The following UBR3 variants were observed in gnomAD, a reference collection of about 807,000 sequenced individuals.
UBR3 encodes the protein E3 ubiquitin-protein ligase UBR3.
Under a neutral mutation model 243.2 loss-of-function variants are expected in UBR3, and 85 were observed. The observed-to-expected ratio is 0.35, with a 90% CI of 0.29 to 0.42. UBR3 has a LOEUF of 0.42. UBR3 is among the 10% of genes least tolerant of loss of function. UBR3 has a pLI of 1.00. For missense variants in UBR3, 1,686 were observed against 2,300.8 expected (o/e 0.73, Z 5.47); for synonymous variants, 748 against 799.8 (o/e 0.94, Z 1.09).
chr2:169,974,630 T>C (rs770240377), intron 24 of UBR3, among the ~76,000 whole-genome samples: 6 of 152,206 alleles, frequency 3.9e-5, no homozygotes, highest in Non-Finnish European at 5.9e-5. Flanking sequence ...ATTGATCTTT[T>C]GCATTTTTTA....
intron 30 of UBR3, among the ~76,000 whole-genome samples, chr2:170,024,416 T>C (rs752416466): frequency 6.7e-6 from 1 of 148,646 alleles, no homozygotes; most frequent in Non-Finnish European, 1.5e-5. Context: ...GTTTCCGGGA[T>C]GGTACTGGAA....
chr2:170,051,236 A>G (rs181105643), intron 32 of UBR3, among the ~76,000 whole-genome samples: 1 of 152,296 alleles, frequency 6.6e-6, no homozygotes, highest in African/African-American at 2.4e-5. Flanking sequence ...GATGATAATC[A>G]AGACAGACAA....
intron 19 of UBR3, among the ~76,000 whole-genome samples, 171 bp downstream of exon 19, chr2:169,933,179 T>A (rs1158932556): frequency 6.6e-6 from 1 of 152,248 alleles, no homozygotes; most frequent in Admixed American, 6.5e-5. Context: ...TATGTTAAGA[T>A]CTTTATCCAA....
At chr2:169,844,488 CTCTCTT>C (rs758355098) in intron 1 of UBR3, among the ~76,000 whole-genome samples, 1,813 of 112,854 alleles carry the variant, frequency 0.016, 23 homozygotes, top group Admixed American at 0.019. Context: ...GTGAAACCCT[CTCTCTT>C]TTTTTTTTTT....
chr2:170,080,069 A>G (rs2091881289), intron 37 of UBR3, 46 bp downstream of exon 37: 1 of 1,515,562 alleles, frequency 6.6e-7, no homozygotes, highest in Non-Finnish European at 9.0e-7. Context: ...CACAGATCTC[A>G]TATCACAAAA....
chr2:169,933,034 C>A (rs1264005742), intron 19 of UBR3, 26 bp downstream of exon 19: 10 of 1,461,098 alleles, frequency 6.8e-6, no homozygotes, highest in Non-Finnish European at 9.1e-6. Flanking sequence ...TGATTAGCAT[C>A]ATAACAGTAT....
chr2:169,882,240 TTG>T (rs2083904253), intron 5 of UBR3, among the ~76,000 whole-genome samples: 1 of 137,364 alleles, frequency 7.3e-6, no homozygotes, highest in African/African-American at 2.7e-5. Flanking sequence ...TATATTTATA[TTG>T]TATATGTATA....
At chr2:169,983,758 G>C (rs1282169366) in intron 24 of UBR3, among the ~76,000 whole-genome samples, 1 of 152,182 alleles carries the variant, frequency 6.6e-6, no homozygotes, top group Non-Finnish European at 1.5e-5. Flanking sequence ...GCTTCATTCA[G>C]ATAGATTCTT....
intron 17 of UBR3, among the ~76,000 whole-genome samples, chr2:169,927,895 G>T (rs1410828270): frequency 6.6e-6 from 1 of 152,152 alleles, no homozygotes; most frequent in Non-Finnish European, 1.5e-5. Context: ...GGAACCTGTG[G>T]TTCTTTGTAT....
chr2:169,895,253 A>C lies in UBR3; in HGVS notation c.1178A>C (p.Glu393Ala). ...EELLFWTIKY[E>A]FPQKMVTFLL... ...CTATTATTTTGGACTATAAAATATG[A>C]ATTCCCTCAAAAGATGGTAACTTTC... is the stretch of plus-strand genomic sequence containing the variant. Residue 393 changes from glutamate to alanine, a missense_variant, in exon 7 of 39, where the codon GAA becomes GCA. Physicochemically the swap from Glu to Ala is moderately radical, Grantham distance 107 (BLOSUM62 -1). This residue lies in a region of UBR3 where 200 missense variants were observed against 231.6 expected (regional missense o/e 0.86). Transcript: ENST00000272793. The C allele has an allele frequency of 6.5e-7, 1 of 1,546,110 alleles. No homozygotes were observed. The highest frequency in any genetic ancestry group is 8.7e-7 in the Non-Finnish European group (1 of 1,145,546).
At chr2:169,910,017 A>G (rs931580990) in intron 10 of UBR3, among the ~76,000 whole-genome samples, 3 of 152,154 alleles carry the variant, frequency 2.0e-5, no homozygotes, top group Non-Finnish European at 4.4e-5. Flanking sequence ...AAGCTAGTAA[A>G]GACTGAGAGA....
At chr2:169,942,413 T>C in intron 19 of UBR3, 80 bp from the exon 20 acceptor site, 1 of 1,352,050 alleles carries the variant, frequency 7.4e-7, no homozygotes, top group Non-Finnish European at 9.8e-7. Flanking sequence ...GTGACAGAAA[T>C]TGGTGTCTAT....
intron 33 of UBR3, among the ~76,000 whole-genome samples, chr2:170,058,951 C>A (rs1312779482): frequency 6.6e-6 from 1 of 152,152 alleles, no homozygotes; most frequent in African/African-American, 2.4e-5. Context: ...GTATTCTACC[C>A]AGCACAGACT....
intron 24 of UBR3, among the ~76,000 whole-genome samples, chr2:169,960,807 AAG>A (rs2087536219): frequency 6.6e-6 from 1 of 152,120 alleles, no homozygotes; most frequent in African/African-American, 2.4e-5. Context: ...TAAAACAATG[AAG>A]AGTTTGTATT....
chr2:169,827,555 G>T lies in UBR3; in HGVS notation c.48G>T (p.Gln16His), dbSNP rs895400067. 8.1e-7 allele frequency: 1 copy of T among 1,235,848 alleles called. No individual in the cohort carries two copies. Among genetic ancestry groups the T allele is most frequent in the Non-Finnish European group, 1.0e-6 (1 of 992,054 alleles). The allele number at this position is 1,235,848 out of a possible 1,614,324, so 76.6% of individuals were successfully genotyped here. ...AAAVGGQQPS[Q>H]PELPAPGLAL... ...CCGTCGGGGGCCAGCAGCCGTCACAGCCCGAGCTGCCCGCGCCGGGGCTGG... is the reference window on the plus strand; with the variant it reads ...CCGTCGGGGGCCAGCAGCCGTCACATCCCGAGCTGCCCGCGCCGGGGCTGG... The change falls in exon 1 of 39, where the codon CAG becomes CAT. Residue 16 changes from glutamine to histidine, a missense_variant. Physicochemically the swap from Gln to His is conservative, Grantham distance 24. Transcript: ENST00000272793.
chr2:170,029,191 AAG>A (rs1264119040), intron 30 of UBR3, among the ~76,000 whole-genome samples, 153 bp from the exon 31 acceptor site: 3 of 152,170 alleles, frequency 2.0e-5, no homozygotes, highest in Non-Finnish European at 2.9e-5. Flanking sequence ...GTTACCATAA[AAG>A]AGAGTGTGAA....
At position 169,924,625 on chromosome 2, in the gene UBR3, A is replaced by G. The variant is rs1574213826; in HGVS notation, c.2022+452A>G. ...TACCAGCAATGTAATTTGACAGGCC[A>G]GCTTTTTATATACATTAGAGGGACT... On this transcript the variant is annotated intron_variant, in intron 13 of 38. Transcript: ENST00000272793. 2.6e-5 allele frequency among the ~76,000 whole-genome samples: 4 copies of G among 152,348 alleles called. 1 individual carries two copies. Among genetic ancestry groups the G allele is most frequent in the Admixed American group, 2.6e-4 (4 of 15,308 alleles).
chr2:169,882,351 AATATATATT>A (rs1559054843), intron 5 of UBR3, among the ~76,000 whole-genome samples: 28 of 27,168 alleles, frequency 1.0e-3, no homozygotes, highest in Non-Finnish European at 3.5e-3. Flanking sequence ...TATATATGTA[AATATATATT>A]ATATATGTAA....
intron 25 of UBR3, among the ~76,000 whole-genome samples, chr2:169,990,960 A>G (rs1254599398): frequency 6.6e-6 from 1 of 152,172 alleles, no homozygotes; most frequent in Non-Finnish European, 1.5e-5. Flanking sequence ...TAAAAATGTG[A>G]TGCTACAAGA....
Sources: gnomAD v4.1 joint callset for allele counts (sites outside exome capture counted in the v4.1 genomes callset) on GRCh38, gnomAD v4.1.1 for gene constraint, gnomAD v4.1.1 regional missense constraint, MANE v1.5 for transcripts, NCBI Gene and HGNC (gene_info 2026-07-23, HGNC 2026-07-21) for gene names.